The following ERP44 variants were observed in gnomAD, a reference collection of about 807,000 sequenced individuals.
ERP44 encodes endoplasmic reticulum protein 44.
ERP44 carries 25 observed loss-of-function variants against 53.4 expected under a neutral mutation model. That is an observed-to-expected ratio of 0.47 (90% confidence interval 0.34 to 0.65). The LOEUF (loss-of-function observed/expected upper bound fraction) is 0.65, where lower values mean the gene tolerates loss of function less well. ERP44 is among the 30% of genes least tolerant of loss of function. The pLI, the probability that ERP44 is intolerant of heterozygous loss-of-function variation, is 0.01. For synonymous variants in ERP44, 145 were observed against 161.2 expected (o/e 0.90, Z 0.76); for missense variants, 338 against 493.2 (o/e 0.69, Z 2.98).
At chr9:100,081,154 C>T (rs1826418302) in intron 1 of ERP44, among the ~76,000 whole-genome samples, 1 of 151,696 alleles carries the variant, frequency 6.6e-6, no homozygotes, top group Non-Finnish European at 1.5e-5. Context: ...CAGAGTAAAA[C>T]CCAACTCTAT....
At chr9:99,999,338 G>A (rs557028353) in intron 10 of ERP44, among the ~76,000 whole-genome samples, 5 of 152,172 alleles carry the variant, frequency 3.3e-5, no homozygotes, top group South Asian at 2.1e-4. Flanking sequence ...GTTCATTGTC[G>A]ATTCTGGATG....
chr9:100,015,368 A>T (rs1436029333), intron 8 of ERP44, among the ~76,000 whole-genome samples: 2 of 152,244 alleles, frequency 1.3e-5, no homozygotes, highest in Admixed American at 6.5e-5. Flanking sequence ...AAAGACCTGG[A>T]ATGAAAGATA....
chr9:100,006,735 T>TAA, intron 9 of ERP44, 88 bp from the exon 10 acceptor site: 1 of 891,634 alleles, frequency 1.1e-6, no homozygotes, highest in Non-Finnish European at 1.7e-6. Flanking sequence ...AGTGACATAC[T>TAA]AAAAAAAAAG....
chr9:100,037,443 G>A (rs114778103), intron 4 of ERP44, among the ~76,000 whole-genome samples: 278 of 152,192 alleles, frequency 1.8e-3, no homozygotes, highest in African/African-American at 6.4e-3. Flanking sequence ...CAAGTCTTAG[G>A]GCTGAACTGG....
intron 1 of ERP44, among the ~76,000 whole-genome samples, chr9:100,093,560 C>A (rs943778785): frequency 6.6e-6 from 1 of 152,042 alleles, no homozygotes; most frequent in Non-Finnish European, 1.5e-5. Flanking sequence ...GGGAGCATCA[C>A]GTGACCTGGG....
At chr9:100,069,331 AAAGAAAAG>A (rs1384619395) in intron 1 of ERP44, among the ~76,000 whole-genome samples, 2 of 115,534 alleles carry the variant, frequency 1.7e-5, no homozygotes, top group Non-Finnish European at 3.8e-5. Context: ...AAAAAAGAAA[AAAGAAAAG>A]AAGCATTTAT....
At chr9:100,013,152 T>C (rs1203169853) in intron 8 of ERP44, among the ~76,000 whole-genome samples, 40 of 152,164 alleles carry the variant, frequency 2.6e-4, no homozygotes, top group Non-Finnish European at 1.5e-5. Context: ...TCAGGGAATC[T>C]TGGAGAATTC....
At chr9:100,031,091 G>A (rs1222692048) in intron 4 of ERP44, among the ~76,000 whole-genome samples, 1 of 152,036 alleles carries the variant, frequency 6.6e-6, no homozygotes, top group African/African-American at 2.4e-5. Context: ...TCATAAAGAA[G>A]AATACCTTTA....
chr9:100,041,652 G>A (rs1326021823), intron 4 of ERP44, among the ~76,000 whole-genome samples: 1 of 152,066 alleles, frequency 6.6e-6, no homozygotes. Flanking sequence ...CCGCGACAGA[G>A]CAAGATTCCG....
intron 10 of ERP44, among the ~76,000 whole-genome samples, chr9:99,993,717 G>A (rs947947780): frequency 6.6e-6 from 1 of 152,150 alleles, no homozygotes; most frequent in African/African-American, 2.4e-5. Context: ...CCATCAGAGT[G>A]AACAGGCAAC....
intron 4 of ERP44, among the ~76,000 whole-genome samples, chr9:100,022,802 A>G (rs562803505): frequency 6.6e-6 from 1 of 152,178 alleles, no homozygotes; most frequent in Admixed American, 6.5e-5. Context: ...AAATACTAAA[A>G]ATATATTAGA....
At chr9:100,055,334 A>G (rs189157690) in intron 3 of ERP44, among the ~76,000 whole-genome samples, 65 of 152,316 alleles carry the variant, frequency 4.3e-4, no homozygotes, top group African/African-American at 1.4e-3. Flanking sequence ...TCCTTGAATT[A>G]ATGAATACTC....
intron 1 of ERP44, among the ~76,000 whole-genome samples, chr9:100,091,298 G>T (rs1826553555): frequency 6.6e-6 from 1 of 152,210 alleles, no homozygotes; most frequent in Admixed American, 6.5e-5. Context: ...TTCAGTCTTT[G>T]CAAGGACAGA....
chr9:99,999,967 C>T (rs1378059623), intron 10 of ERP44, among the ~76,000 whole-genome samples: 1 of 152,050 alleles, frequency 6.6e-6, no homozygotes. Flanking sequence ...CTTTTTGGTG[C>T]TGGGAAAAGT....
chr9:99,996,645 C>G (rs1015762074), intron 10 of ERP44, among the ~76,000 whole-genome samples: 1 of 152,096 alleles, frequency 6.6e-6, no homozygotes, highest in Non-Finnish European at 1.5e-5. Context: ...GCAGTATACA[C>G]TACACCCTAT....
intron 4 of ERP44, among the ~76,000 whole-genome samples, chr9:100,038,569 G>A (rs769026491): frequency 1.3e-5 from 2 of 151,966 alleles, no homozygotes; most frequent in Non-Finnish European, 2.9e-5. Context: ...AAGACAGCAA[G>A]GAAGGAAAGA....
intron 4 of ERP44, among the ~76,000 whole-genome samples, chr9:100,030,503 TG>T (rs1216982666): frequency 6.6e-6 from 1 of 152,172 alleles, no homozygotes; most frequent in Non-Finnish European, 1.5e-5. Flanking sequence ...GGACATCTGG[TG>T]GAACTTGGGT....
chr9:99,998,857 T>A (rs551765833), intron 10 of ERP44: 1 of 1,428,376 alleles, frequency 7.0e-7, no homozygotes, highest in African/African-American at 1.4e-5. Context: ...TAGGTGTAGT[T>A]CTTCTAGCAA....
chr9:99,991,082 C>G (rs1830248984), intron 10 of ERP44, among the ~76,000 whole-genome samples: 1 of 152,168 alleles, frequency 6.6e-6, no homozygotes, highest in African/African-American at 2.4e-5. Flanking sequence ...CTTTAACACC[C>G]CACTGTCAAT....
Sources: allele counts gnomAD v4.1 joint callset (sites outside exome capture counted in the v4.1 genomes callset), GRCh38; gene constraint gnomAD v4.1.1; transcripts MANE v1.5; gene names NCBI Gene and HGNC (gene_info 2026-07-23, HGNC 2026-07-21).